The following SLC9A3 variants were observed in gnomAD, a reference collection of about 807,000 sequenced individuals.
SLC9A3 encodes solute carrier family 9 member A3, also known as sodium/hydrogen exchanger 3.
A neutral mutation model predicts 86.8 loss-of-function variants in SLC9A3; 37 were observed. The ratio of observed to expected loss-of-function variants is 0.43; its 90% CI spans 0.33 to 0.56. SLC9A3 has a LOEUF of 0.56. Ranked by LOEUF, SLC9A3 falls within the 20% of genes least tolerant of loss-of-function variation. The probability of loss-of-function intolerance (pLI) is 0.06; values close to 1 mark genes in which losing one functional copy is unlikely to be tolerated. For missense variants in SLC9A3, 1,011 were observed against 1,171.9 expected, an observed-to-expected ratio of 0.86 and a Z score of 2.00; for synonymous variants, 581 against 528.3, an observed-to-expected ratio of 1.10 and a Z score of -1.37.
At chr5:490,923 G>A (rs371402787) in intron 2 of SLC9A3, among the ~76,000 whole-genome samples, 19 of 152,312 alleles carry the variant, frequency 1.2e-4, no homozygotes, top group African/African-American at 3.6e-4. Context: ...TGGGTGAGGC[G>A]GCCCCAACCC....
intron 1 of SLC9A3, among the ~76,000 whole-genome samples, chr5:505,901 A>G (rs570531640): frequency 6.6e-6 from 1 of 151,684 alleles, no homozygotes; most frequent in Admixed American, 6.6e-5. Flanking sequence ...CCACTGAGGC[A>G]AAGGCATGAG....
Position 483,260 on chromosome 5 carries a change from A to G in SLC9A3, c.1153+2T>C. The G allele has an allele frequency of 6.5e-7, 1 of 1,539,808 alleles. No individual in the cohort carries two copies. Among genetic ancestry groups the G allele is most frequent in the Non-Finnish European group, 8.8e-7 (1 of 1,137,866 alleles). ...CACGGCCGCAACCCGGCCCCGCCTC[A>G]CCGATGGCCCGGTACACGGAGATGA... On this transcript the variant is annotated splice_donor_variant, in intron 6 of 16. Coordinates refer to ENST00000264938, the MANE Select transcript of SLC9A3 (RefSeq NM_004174.4). LOFTEE classifies it high-confidence loss of function.
At position 524,269 on chromosome 5, in the gene SLC9A3, C is replaced by A. The variant is rs1226899697; in HGVS notation, c.54G>T (p.Ala18=). The change falls in exon 1 of 17, where the codon GCG becomes GCT. Residue 18 remains alanine, a synonymous_variant. Transcript: ENST00000264938. The part of the protein sequence containing the change: ...GPDRGLLLAL[A]LGGLARAGGV... ...CCCCGGCCCGCGCCAGCCCGCCCAG[C>A]GCCAGCGCCAGCAGCAGCCCCCGGT... 3 of 1,364,444 alleles carry A rather than the reference C, an allele frequency of 2.2e-6. No individual in the cohort carries two copies. Among genetic ancestry groups the A allele is most frequent in the Admixed American group, 3.5e-5 (1 of 28,224 alleles). The allele number at this position is 1,364,444 out of a possible 1,614,324, so 84.5% of individuals were successfully genotyped here. A position where few individuals can be genotyped will look rare whatever the true frequency, so the allele number is the denominator to read the frequency against.
At chr5:495,349 G>A (rs941991965) in intron 1 of SLC9A3, among the ~76,000 whole-genome samples, 2 of 151,124 alleles carry the variant, frequency 1.3e-5, no homozygotes, top group African/African-American at 2.4e-5. Context: ...AAACAACAAC[G>A]CAACTCTGTG....
chr5:515,277 G>A (rs565152147), intron 1 of SLC9A3, among the ~76,000 whole-genome samples: 2 of 152,204 alleles, frequency 1.3e-5, no homozygotes, highest in East Asian at 1.9e-4. Context: ...CCCATTTGTG[G>A]AATTCCCACA....
chr5:481,056 A>ATGT (rs1739133311), intron 9 of SLC9A3, among the ~76,000 whole-genome samples: 1 of 152,064 alleles, frequency 6.6e-6, no homozygotes. Flanking sequence ...CCCCTGGCTA[A>ATGT]TGTTTGTATT....
intron 6 of SLC9A3, 97 bp downstream of exon 6, chr5:483,165 A>C: frequency 2.1e-6 from 2 of 943,152 alleles, no homozygotes; most frequent in South Asian, 3.1e-5. Context: ...ACGGGGCTGC[A>C]CCTCCATCTC....
At chr5:492,122 A>AGGTC (rs1739778409) in intron 1 of SLC9A3, 51 bp from the exon 2 acceptor site, 1 of 473,656 alleles carries the variant, frequency 2.1e-6, no homozygotes, top group African/African-American at 4.0e-5. Context: ...GAGGGGAGGG[A>AGGTC]GGTCAGGGCC....
Position 484,912 on chromosome 5 carries a change from G to A in SLC9A3, c.755-215C>T, listed in dbSNP as rs147072722. Among the ~76,000 whole-genome samples, 630 of 152,350 alleles carry A rather than the reference G, an allele frequency of 4.1e-3. 3 individuals are homozygous for A. The highest frequency in any genetic ancestry group is 6.4e-3 in the Non-Finnish European group (432 of 68,026). ...GGGAGCCTGGCCCCAGGCCCTATCC[G>A]GCCGTCTGTCTCAGGAAGACCTGGC... On this transcript the variant is annotated intron_variant, in intron 4 of 16. Transcript: ENST00000264938.
chr5:509,875 G>A (rs1031976100), intron 1 of SLC9A3, among the ~76,000 whole-genome samples: 1 of 152,202 alleles, frequency 6.6e-6, no homozygotes, highest in African/African-American at 2.4e-5. Flanking sequence ...CCCGCGGCGC[G>A]AATCAAGCAA....
chr5:485,062 A>G, intron 4 of SLC9A3, 91 bp downstream of exon 4: 1 of 1,005,440 alleles, frequency 9.9e-7, no homozygotes, highest in Admixed American at 1.7e-5. Context: ...TTGAGTGCAA[A>G]GCTTTTTCCT....
rs200041307 is a variant in SLC9A3, at chr5:485,247, G to T, written c.676-16C>A. ...TGTACAGAACCTGCAGGGAAAACGGGCAGGGCGTTGGGTGGTCCTTGGTTA... is the reference window on the plus strand; with the variant it reads ...TGTACAGAACCTGCAGGGAAAACGGTCAGGGCGTTGGGTGGTCCTTGGTTA... On this transcript the variant is annotated splice_polypyrimidine_tract_variant and intron_variant, in intron 3 of 16. Transcript: ENST00000264938. 0.011 allele frequency: 18,456 copies of T among 1,610,956 alleles called. 707 individuals are homozygous for T. Among genetic ancestry groups the T allele is most frequent in the African/African-American group, 0.11 (7,972 of 74,948 alleles).
intron 1 of SLC9A3, among the ~76,000 whole-genome samples, chr5:507,616 T>A (rs1195594913): frequency 5.0e-5 from 7 of 141,116 alleles, no homozygotes; most frequent in Non-Finnish European, 9.2e-5. Context: ...AACACCCCAA[T>A]CCCTGCCCCA....
At chr5:481,889 C>T (rs992215709) in intron 8 of SLC9A3, among the ~76,000 whole-genome samples, 179 bp downstream of exon 8, 1 of 39,272 alleles carries the variant, frequency 2.5e-5, no homozygotes, top group African/African-American at 1.0e-4. Flanking sequence ...AGTGCCCCCC[C>T]CCGCCCCCCA....
rs139309218 is a variant in SLC9A3, at chr5:471,568, C to T, written c.*1811G>A. The T allele has an allele frequency of 1.1e-5, 4 of 356,970 alleles. No homozygotes were observed. The highest frequency in any genetic ancestry group is 7.3e-5 in the East Asian group (1 of 13,676). The allele number at this position is 356,970 out of a possible 1,614,324, so 22.1% of individuals were successfully genotyped here. A position where few individuals can be genotyped will look rare whatever the true frequency, so the allele number is the denominator to read the frequency against. Reference sequence around the variant, plus strand: ...CGGCCTGCTCCGATGAACGTCAGGACGGTGGCTGCAGCAGGGAACCAGGGC... The same window carrying T: ...CGGCCTGCTCCGATGAACGTCAGGATGGTGGCTGCAGCAGGGAACCAGGGC... On this transcript the variant is annotated 3_prime_UTR_variant, in exon 17 of 17. Transcript: ENST00000264938.
chr5:522,555 T>C (rs1295152493), intron 1 of SLC9A3, among the ~76,000 whole-genome samples: 1 of 150,368 alleles, frequency 6.7e-6, no homozygotes, highest in Non-Finnish European at 1.5e-5. Flanking sequence ...AGGTCTGGAG[T>C]TCAAGACCAG....
rs377100770 is a variant in SLC9A3, at chr5:488,457, C to T, written c.534G>A (p.Leu178=). 5 of 1,578,946 alleles carry T rather than the reference C, an allele frequency of 3.2e-6. No homozygotes were observed. In the Admixed American group the frequency reaches 8.8e-5, roughly 28 times the overall value. Residue 178 remains leucine (L), a synonymous_variant, in exon 3 of 17, where the codon CTG becomes CTA. Transcript: ENST00000264938. ...GGCTGCCAAACAGGAGGAAGTCCAG[C>T]AGCCCAATCTGCAGGTCGCCTGGAA... ...SGLMGDLQIG[L]LDFLLFGSLM...
chr5:518,676 G>C (rs1466152879), intron 1 of SLC9A3, among the ~76,000 whole-genome samples: 1 of 152,220 alleles, frequency 6.6e-6, no homozygotes, highest in Non-Finnish European at 1.5e-5. Flanking sequence ...GAAGCCGGCA[G>C]TGGGGGTGGC....
chr5:498,024 C>T (rs1413931144), intron 1 of SLC9A3, among the ~76,000 whole-genome samples: 6 of 152,214 alleles, frequency 3.9e-5, no homozygotes, highest in Non-Finnish European at 5.9e-5. Flanking sequence ...CCTCGGCCAC[C>T]GCCCTCCTCT....
Sources: allele counts gnomAD v4.1 joint callset (sites outside exome capture counted in the v4.1 genomes callset), GRCh38; gene constraint gnomAD v4.1.1; transcripts MANE v1.5; gene names NCBI Gene and HGNC (gene_info 2026-07-23, HGNC 2026-07-21).